PAF1: variants seen among roughly 807,000 people sequenced by gnomAD.
PAF1 encodes RNA polymerase II-associated factor 1 homolog.
PAF1 carries 31 observed loss-of-function variants against 68.4 expected under a neutral mutation model. The ratio of observed to expected loss-of-function variants is 0.45; its 90% CI spans 0.34 to 0.61. The LOEUF is 0.61. PAF1 is among the 20% of genes least tolerant of loss of function. The pLI is 0.01. For synonymous variants in PAF1, 256 were observed against 240.5 expected (o/e 1.06, Z -0.60); for missense variants, 435 against 692.9 (o/e 0.63, Z 4.18).
At chr19:39,390,691 C>A in intron 1 of PAF1, 127 bp downstream of exon 1, 1 of 1,013,908 alleles carries the variant, frequency 9.9e-7, no homozygotes, top group South Asian at 1.5e-5. Flanking sequence ...TCAGAAGGAA[C>A]CCGCCCCCTT....
At position 39,391,008 on chromosome 19, in the gene PAF1, G is replaced by A; in HGVS notation, c.-144C>T. On this transcript the variant is annotated 5_prime_UTR_variant, in exon 1 of 14. Coordinates refer to ENST00000221265, the MANE Select transcript of PAF1 (RefSeq NM_019088.4). ...CGCGGAAAGTGGGTTGAGATGAGGT[G>A]GGCGGGCGAGAAGAGCTCCAGCGAG... 5.1e-6 allele frequency: 4 copies of A among 789,058 alleles called. No homozygotes were observed. Among genetic ancestry groups the A allele is most frequent in the Non-Finnish European group, 6.0e-6 (3 of 501,450 alleles). The allele number at this position is 789,058 out of a possible 1,614,324, so 48.9% of individuals were successfully genotyped here.
rs572900855 is a variant in PAF1, at chr19:39,388,386, G to A, written c.939C>T (p.Phe313=). The change falls in exon 11 of 14, where the codon TTC becomes TTT. Residue 313 remains phenylalanine, a synonymous_variant. Transcript: ENST00000221265. ...AAACCCCGTCACCCTCTCGGAAGAT[G>A]AAGAAGTAGTTTTCCTCATAGCCCT... ...ASKGYEENYF[F]IFREGDGVYY... 58 of 1,614,098 alleles carry A rather than the reference G, an allele frequency of 3.6e-5. 2 individuals carry two copies. The South Asian group carries it at 6.0e-4, about 17-fold the overall frequency.
rs781473724 is a variant in PAF1 at position 39,390,245 on chromosome 19, C to T, written c.77+15G>A. The T allele has an allele frequency of 3.7e-6, 6 of 1,613,846 alleles. No individual in the cohort carries two copies. The Admixed American group carries it at 8.3e-5, about 22-fold the overall frequency. On this transcript the variant is annotated intron_variant, in intron 2 of 13. Transcript: ENST00000221265. ...CACTGCCCCACCGCTCCTGGGAAAG[C>T]ACAGTGGGGCTCACCTCTCAGGCAG... is the stretch of plus-strand genomic sequence containing the variant.
chr19:39,386,629 C>T lies in PAF1; in HGVS notation c.1093-57G>A. 6.2e-7 allele frequency: 1 copy of T among 1,601,810 alleles called. No individual in the cohort carries two copies. On this transcript the variant is annotated intron_variant, in intron 12 of 13. Coordinates refer to ENST00000221265, the MANE Select transcript of PAF1 (RefSeq NM_019088.4). This position sits in a 1 kb window ranked among gnomAD's most constrained non-coding sequence, Gnocchi z 6.1. ...GAGGGTGTTCTGCTGGGTTTTTGTC[C>T]CCCTCCTCACCTACAACCACCACCC...
chr19:39,390,841 C>G lies in PAF1; in HGVS notation c.24G>C (p.Gln8His), dbSNP rs374227407. The G allele has an allele frequency of 1.3e-6, 2 of 1,588,110 alleles. No individual in the cohort carries two copies. Among genetic ancestry groups the G allele is most frequent in the Non-Finnish European group, 1.7e-6 (2 of 1,167,116 alleles). The change falls in exon 1 of 14, where the codon CAG becomes CAC. Residue 8 changes from glutamine (Q) to histidine (H), a missense_variant. Around this residue, in one of 7 missense-constraint regions of PAF1, gnomAD observed 38 missense variants for 33.9 expected, o/e 1.12. Transcript: ENST00000221265. MAPTIQT[Q>H]AQREDGHRPN... ...ACCTGTGGCCATCCTCCCGCTGGGC[C>G]TGGGTCTGGATGGTGGGCGCCATAG... is the stretch of plus-strand genomic sequence containing the variant.
rs529637226 is a variant in PAF1, at chr19:39,387,108, A to G, written c.987-309T>C. The G allele has an allele frequency of 1.3e-4, 64 of 482,064 alleles. 1 individual carries two copies. Among genetic ancestry groups the G allele is most frequent in the Non-Finnish European group, 2.1e-4 (54 of 258,054 alleles). The allele number at this position is 482,064 out of a possible 1,614,324, so 29.9% of individuals were successfully genotyped here. On this transcript the variant is annotated intron_variant, in intron 11 of 13. Transcript: ENST00000221265. Reference sequence around the variant, plus strand: ...ACATTCTGAGATATACATCATGTGAACATCATACAGTACTCTTACACAAAC... The same window carrying G: ...ACATTCTGAGATATACATCATGTGAGCATCATACAGTACTCTTACACAAAC...
chr19:39,388,996 T>C lies in PAF1; in HGVS notation c.587A>G (p.Lys196Arg). 1 of 1,614,174 alleles carries C rather than the reference T, an allele frequency of 6.2e-7. No homozygotes were observed. Among genetic ancestry groups the C allele is most frequent in the Non-Finnish European group, 8.5e-7 (1 of 1,180,022 alleles). Reference protein sequence around the residue: ...AQKSISQHYSKPRVTPVEVMP... With the variant: ...AQKSISQHYSRPRVTPVEVMP... ...GACCTCCACCGGTGTGACTCGGGGT[T>C]TGCTGTAATGCTGTGAGATCTGGTG... The change falls in exon 8 of 14, where the codon AAA becomes AGA. Residue 196 changes from lysine (K) to arginine (R), a missense_variant. Lys to Arg is a conservative substitution (Grantham distance 26). Transcript: ENST00000221265.
In PAF1 at chr19:39,386,141, T is replaced by G. The variant is rs770220420; in HGVS notation, c.1446A>C (p.Ser482=). 1 of 1,614,056 alleles carries G rather than the reference T, an allele frequency of 6.2e-7. No homozygotes were observed. The highest frequency in any genetic ancestry group is 8.5e-7 in the Non-Finnish European group (1 of 1,180,038). ...GQAQGGSDND[S]DSGSNGGGQR... is the part of the protein sequence containing the mutation. ...GGCCACCCCCATTGCTGCCGCTGTC[T>G]GAATCATTGTCACTGCCACCTTGGG... The change falls in exon 14 of 14, where the codon TCA becomes TCC. Residue 482 remains serine (S), a synonymous_variant. Transcript: ENST00000221265. This position sits in a 1 kb window ranked among gnomAD's most constrained non-coding sequence, Gnocchi z 6.1.
chr19:39,388,289 G>A (rs1406956901), intron 11 of PAF1, 50 bp downstream of exon 11: 1 of 1,606,210 alleles, frequency 6.2e-7, no homozygotes, highest in Non-Finnish European at 8.5e-7. Context: ...ATGCCCCAGG[G>A]TCTTAAGAAG....
chr19:39,387,695 C>CAT (rs2078283190), intron 11 of PAF1, among the ~76,000 whole-genome samples: 1 of 152,224 alleles, frequency 6.6e-6, no homozygotes, highest in African/African-American at 2.4e-5. Flanking sequence ...CATTTTTGAA[C>CAT]ATGGGTTTAA....
rs1011047583 is a variant in PAF1 at position 39,385,718 on chromosome 19, C to T, written c.*273G>A. On this transcript the variant is annotated 3_prime_UTR_variant, in exon 14 of 14. Coordinates refer to ENST00000221265, the MANE Select transcript of PAF1 (RefSeq NM_019088.4). Reference sequence around the variant, plus strand: ...AAAACGAATTCTGACCTTCGTTGTGCTACATTTTGTGGGAAACCATTGGCC... The same window carrying T: ...AAAACGAATTCTGACCTTCGTTGTGTTACATTTTGTGGGAAACCATTGGCC... The T allele has an allele frequency of 7.4e-6, 4 of 539,880 alleles. No individual in the cohort carries two copies. The highest frequency in any genetic ancestry group is 9.7e-6 in the Non-Finnish European group (3 of 308,268). 33.4% of individuals were successfully genotyped at this position (539,880 alleles called of 1,614,324 possible).
Position 39,386,203 on chromosome 19 carries a change from C to T in PAF1, c.1384G>A (p.Asp462Asn). 2 of 1,614,188 alleles carry T rather than the reference C, an allele frequency of 1.2e-6. No homozygotes were observed. The highest frequency in any genetic ancestry group is 2.2e-5 in the East Asian group (1 of 44,888). The part of the protein sequence containing the change: ...EIFGSDADSE[D>N]DADSDDEDRG... ...TCCTCATCATCAGAGTCGGCATCGT[C>T]CTCAGAATCAGCATCACTGCCAAAG... Residue 462 changes from aspartate to asparagine, a missense_variant, in exon 14 of 14, where the codon GAC (aspartate) becomes AAC (asparagine). Physicochemically the swap from Asp to Asn is conservative, Grantham distance 23. Transcript: ENST00000221265. This position sits in a 1 kb window ranked among gnomAD's most constrained non-coding sequence, Gnocchi z 6.1.
chr19:39,386,865 C>CTCACTGGGGGGCGGGGAAGTGGGA lies in PAF1; in HGVS notation c.987-67_987-66insTCCCACTTCCCCGCCCCCCAGTGA. 1 of 1,082,050 alleles carries CTCACTGGGGGGCGGGGAAGTGGGA rather than the reference C, an allele frequency of 9.2e-7. No homozygotes were observed. Among genetic ancestry groups the CTCACTGGGGGGCGGGGAAGTGGGA allele is most frequent in the Non-Finnish European group, 1.4e-6 (1 of 698,428 alleles). 67.0% of individuals were successfully genotyped at this position (1,082,050 alleles called of 1,614,324 possible). ...GTTAAAGACACACCTCCCACTTCCC[C>CTCACTGGGGGGCGGGGAAGTGGGA]GCCCCCCAGTGAGGGGTCTGGTCTG... On this transcript the variant is annotated intron_variant, in intron 11 of 13. Coordinates refer to ENST00000221265, the MANE Select transcript of PAF1 (RefSeq NM_019088.4). This position sits in a 1 kb window ranked among gnomAD's most constrained non-coding sequence, Gnocchi z 6.1.
rs754701850 is a variant in PAF1, at chr19:39,386,195, G to A, written c.1392C>T (p.Ala464=). ...GTCCTCTGTCCTCATCATCAGAGTC[G>A]GCATCGTCCTCAGAATCAGCATCAC... The part of the protein sequence containing the change: ...FGSDADSEDD[A]DSDDEDRGQA... Residue 464 remains alanine (A), a synonymous_variant, in exon 14 of 14, where the codon GCC becomes GCT. Transcript: ENST00000221265. This position sits in a 1 kb window ranked among gnomAD's most constrained non-coding sequence, Gnocchi z 6.1. 1.7e-5 allele frequency: 28 copies of A among 1,613,956 alleles called. No homozygotes were observed. Among genetic ancestry groups the A allele is most frequent in the East Asian group, 4.5e-5 (2 of 44,890 alleles).
chr19:39,390,793 T>A (rs772121119), intron 1 of PAF1, 25 bp downstream of exon 1: 1 of 1,569,508 alleles, frequency 6.4e-7, no homozygotes, highest in Admixed American at 1.9e-5. Context: ...CCCGCCTTGC[T>A]GCAACAGAAA....
In PAF1 at chr19:39,391,084, C is replaced by G. The variant is rs1333319843; in HGVS notation, c.-220G>C. 1 of 628,522 alleles carries G rather than the reference C, an allele frequency of 1.6e-6. No individual in the cohort carries two copies. The highest frequency in any genetic ancestry group is 2.7e-6 in the Non-Finnish European group (1 of 364,512). 38.9% of individuals were successfully genotyped at this position (628,522 alleles called of 1,614,324 possible). A position where few individuals can be genotyped will look rare whatever the true frequency, so the allele number is the denominator to read the frequency against. The stretch of plus-strand genomic sequence containing the variant: ...CGGGGACGGACTCGAAGCTCCGGTT[C>G]CACCAACTGCCGCCAAGACGCTGAG... On this transcript the variant is annotated 5_prime_UTR_variant, in exon 1 of 14. Transcript: ENST00000221265.
chr19:39,385,679 A>C lies in PAF1; in HGVS notation c.*312T>G. On this transcript the variant is annotated 3_prime_UTR_variant, in exon 14 of 14. Coordinates refer to ENST00000221265, the MANE Select transcript of PAF1 (RefSeq NM_019088.4). ...GGTCTGGGCTTATTTTGGAAAAAAA[A>C]AAAACAAACAAAAAAAACGAATTCT... 1 of 537,730 alleles carries C rather than the reference A, an allele frequency of 1.9e-6. No individual in the cohort carries two copies. Among genetic ancestry groups the C allele is most frequent in the Non-Finnish European group, 3.3e-6 (1 of 306,600 alleles). The allele number at this position is 537,730 out of a possible 1,614,324, so 33.3% of individuals were successfully genotyped here. A position where few individuals can be genotyped will look rare whatever the true frequency, so the allele number is the denominator to read the frequency against.
chr19:39,391,034 ACT>A lies in PAF1; in HGVS notation c.-172_-171del, dbSNP rs1478287872. The A allele has an allele frequency of 1.5e-6, 1 of 663,430 alleles. No individual in the cohort carries two copies. Among genetic ancestry groups the A allele is most frequent in the African/African-American group, 1.8e-5 (1 of 54,908 alleles). The allele number at this position is 663,430 out of a possible 1,614,324, so 41.1% of individuals were successfully genotyped here. On this transcript the variant is annotated 5_prime_UTR_variant, in exon 1 of 14. Transcript: ENST00000221265. ...GGCGGGCGAGAAGAGCTCCAGCGAG[ACT>A]CAGGTGAACGCGCAGGCAGCACCGG... is the stretch of plus-strand genomic sequence containing the variant.
intron 11 of PAF1, among the ~76,000 whole-genome samples, chr19:39,388,099 C>T (rs923382889): frequency 1.3e-5 from 2 of 152,206 alleles, no homozygotes; most frequent in African/African-American, 4.8e-5. Context: ...TGAGATCACA[C>T]CACTGCACTC....
Sources: allele counts gnomAD v4.1 joint callset (sites outside exome capture counted in the v4.1 genomes callset), GRCh38; gene constraint gnomAD v4.1.1; regional missense constraint gnomAD v4.1.1; non-coding constraint Gnocchi (gnomAD v3.1); transcripts MANE v1.5; gene names NCBI Gene and HGNC (gene_info 2026-07-23, HGNC 2026-07-21).